Variants in SLIT3 observed in about 807,000 individuals in gnomAD.
SLIT3 encodes slit homolog 3 protein.
In SLIT3, 68 loss-of-function variants were observed where a neutral mutation model predicts 184.0. The ratio of observed to expected loss-of-function variants is 0.37; its 90% confidence interval spans 0.30 to 0.45. The LOEUF (loss-of-function observed/expected upper bound fraction) is 0.45. SLIT3 is among the 20% of genes least tolerant of loss of function. SLIT3 has a pLI of 1.00. For synonymous variants in SLIT3, 831 were observed against 828.6 expected, an observed-to-expected ratio of 1.00 and a Z score of -0.05; for missense variants, 1,707 against 2,026.0, an observed-to-expected ratio of 0.84 and a Z score of 3.02.
chr5:169,149,055 C>A (rs894138796), intron 4 of SLIT3, among the ~76,000 whole-genome samples: 2 of 152,166 alleles, frequency 1.3e-5, no homozygotes, highest in African/African-American at 2.4e-5. Context: ...AGCTACAGAG[C>A]TATTAAGTGG....
intron 4 of SLIT3, among the ~76,000 whole-genome samples, chr5:169,048,555 G>A (rs577307202): frequency 7.9e-5 from 12 of 152,290 alleles, no homozygotes; most frequent in South Asian, 2.1e-4. Flanking sequence ...CACCGGCGGC[G>A]TAGCCATTCA....
chr5:168,797,842 G>A, intron 9 of SLIT3, among the ~76,000 whole-genome samples: 1 of 152,150 alleles, frequency 6.6e-6, no homozygotes, highest in South Asian at 2.1e-4. Context: ...ACAGGGCCAG[G>A]AACGGGCAGA....
In SLIT3 at chr5:169,016,254, G is replaced by A. The variant is rs17555022; in HGVS notation, c.414-132918C>T. Among the ~76,000 whole-genome samples, 1,514 of 152,264 alleles carry A rather than the reference G, an allele frequency of 9.9e-3. 10 individuals are homozygous for A. Among genetic ancestry groups the A allele is most frequent in the Non-Finnish European group, 0.013 (909 of 68,024 alleles). On this transcript the variant is annotated intron_variant, in intron 4 of 35. Transcript: ENST00000519560. The stretch of plus-strand genomic sequence containing the variant: ...CTGCAAGCAAAGGTCTCCTGGTTAA[G>A]TCCCGGGGCTACAGAGCAATAAATA...
At chr5:168,731,306 C>G (rs554697356) in intron 20 of SLIT3, among the ~76,000 whole-genome samples, 2 of 151,756 alleles carry the variant, frequency 1.3e-5, no homozygotes, top group African/African-American at 4.8e-5. Context: ...AATATCCCCC[C>G]CTAAACTGCC....
chr5:169,117,788 G>A (rs1760734665), intron 4 of SLIT3, among the ~76,000 whole-genome samples: 1 of 152,218 alleles, frequency 6.6e-6, no homozygotes, highest in South Asian at 2.1e-4. Context: ...TATACAAGGT[G>A]AGTGCCAAAT....
intron 16 of SLIT3, 137 bp from the exon 17 acceptor site, chr5:168,754,144 A>C: frequency 1.2e-6 from 1 of 833,944 alleles, no homozygotes; most frequent in Non-Finnish European, 1.8e-6. Context: ...GAAGGAGCTC[A>C]GTCTGGGGCT....
At chr5:169,193,891 C>T (rs940937765) in intron 3 of SLIT3, among the ~76,000 whole-genome samples, 23 of 152,214 alleles carry the variant, frequency 1.5e-4, no homozygotes, top group African/African-American at 4.1e-4. Flanking sequence ...CCATGAGCTT[C>T]GTGTAGCTAT....
intron 29 of SLIT3, among the ~76,000 whole-genome samples, chr5:168,690,300 A>G (rs1167833349): frequency 6.6e-6 from 1 of 151,814 alleles, no homozygotes; most frequent in African/African-American, 2.4e-5. Context: ...ACACCTGGCT[A>G]ATTTTTGTAT....
intron 1 of SLIT3, among the ~76,000 whole-genome samples, chr5:169,273,939 A>C (rs1766716797): frequency 6.6e-6 from 1 of 152,238 alleles, no homozygotes; most frequent in African/African-American, 2.4e-5. Flanking sequence ...GAACAATTCA[A>C]AATAATCCAA....
chr5:169,007,737 A>T (rs1253019898), intron 4 of SLIT3, among the ~76,000 whole-genome samples: 1 of 152,226 alleles, frequency 6.6e-6, no homozygotes, highest in Non-Finnish European at 1.5e-5. Flanking sequence ...AATCAGAACT[A>T]AAGATGGCCT....
At chr5:169,140,119 G>A (rs1308261464) in intron 4 of SLIT3, among the ~76,000 whole-genome samples, 1 of 151,856 alleles carries the variant, frequency 6.6e-6, no homozygotes, top group African/African-American at 2.4e-5. Flanking sequence ...ATAAAGTCCT[G>A]ACGGTGGGCA....
At chr5:169,262,889 T>C (rs940070165) in intron 1 of SLIT3, among the ~76,000 whole-genome samples, 32 of 152,334 alleles carry the variant, frequency 2.1e-4, no homozygotes, top group Admixed American at 1.2e-3. Context: ...TGCTCTGTTA[T>C]GGGCTGAATT....
chr5:169,223,506 G>A (rs1396548837), intron 3 of SLIT3, among the ~76,000 whole-genome samples: 1 of 152,184 alleles, frequency 6.6e-6, no homozygotes, highest in African/African-American at 2.4e-5. Context: ...TTAGGGATTA[G>A]TGCAAATCAG....
At position 169,300,767 on chromosome 5, in the gene SLIT3, C is replaced by A. The variant is rs1767657834; in HGVS notation, c.-58G>T. ...CCTCTGCGGGGCAAGACGCGTGGAG[C>A]CCGAGGAGGCGCGCGGGGAGCGCGG... is the stretch of plus-strand genomic sequence containing the variant. On this transcript the variant is annotated 5_prime_UTR_variant, in exon 1 of 36. Transcript: ENST00000519560. This position sits in a 1 kb window ranked among gnomAD's most constrained non-coding sequence, Gnocchi z 4.1. 8.0e-7 allele frequency: 1 copy of A among 1,253,500 alleles called. No homozygotes were observed. The allele number at this position is 1,253,500 out of a possible 1,614,324, so 77.6% of individuals were successfully genotyped here. A position where few individuals can be genotyped will look rare whatever the true frequency, so the allele number is the denominator to read the frequency against.
At chr5:168,768,206 C>G in intron 14 of SLIT3, 1 of 525,126 alleles carries the variant, frequency 1.9e-6, no homozygotes, top group Non-Finnish European at 3.9e-6. Flanking sequence ...TTCCATCGTT[C>G]CACCACATGG....
chr5:168,954,048 A>C (rs141623706), intron 4 of SLIT3, among the ~76,000 whole-genome samples: 41 of 152,140 alleles, frequency 2.7e-4, no homozygotes, highest in African/African-American at 9.2e-4. Context: ...CTGGGGGGAA[A>C]CAAGTGTCAC....
At chr5:168,951,143 C>T (rs1256890914) in intron 4 of SLIT3, among the ~76,000 whole-genome samples, 2 of 152,148 alleles carry the variant, frequency 1.3e-5, no homozygotes, top group Non-Finnish European at 1.5e-5. Flanking sequence ...TTGCTTGAAC[C>T]TGGGAGGTGG....
intron 4 of SLIT3, among the ~76,000 whole-genome samples, chr5:169,093,002 C>T (rs577565418): frequency 4.4e-4 from 67 of 152,270 alleles, no homozygotes; most frequent in Non-Finnish European, 8.1e-4. Context: ...GGGCGGAGTT[C>T]TGGAAAACGG....
chr5:169,105,197 G>A (rs144516035), intron 4 of SLIT3, among the ~76,000 whole-genome samples: 2,963 of 151,892 alleles, frequency 0.02, 45 homozygotes, highest in Middle Eastern at 0.034. Context: ...TTTTCCATGC[G>A]TCACAAATAC....
Sources: gnomAD v4.1 joint callset for allele counts (sites outside exome capture counted in the v4.1 genomes callset) on GRCh38, gnomAD v4.1.1 for gene constraint, Gnocchi (gnomAD v3.1) non-coding constraint, MANE v1.5 for transcripts, NCBI Gene and HGNC (gene_info 2026-07-23, HGNC 2026-07-21) for gene names.